Variants in MTAP observed in about 807,000 individuals in gnomAD.
The protein encoded by MTAP is S-methyl-5'-thioadenosine phosphorylase.
A neutral mutation model predicts 33.6 loss-of-function variants in MTAP; 33 were observed. The ratio of observed to expected loss-of-function variants is 0.98; its 90% CI spans 0.74 to 1.31. The LOEUF (loss-of-function observed/expected upper bound fraction) is 1.31. Among genes scored for constraint, MTAP ranks in the 40% most tolerant of loss-of-function variants. The pLI is 0.00. For synonymous variants in MTAP, 148 were observed against 125.7 expected (o/e 1.18, Z -1.19); for missense variants, 367 against 360.0 (o/e 1.02, Z -0.16).
intron 1 of MTAP, among the ~76,000 whole-genome samples, chr9:21,881,019 CTA>C (rs1415484544): frequency 3.3e-5 from 5 of 151,918 alleles, no homozygotes; most frequent in African/African-American, 1.2e-4. Flanking sequence ...TATTACAAAA[CTA>C]TAGTAATCAA....
chr9:21,882,205 AAACTT>A (rs577615432), intron 1 of MTAP, among the ~76,000 whole-genome samples: 156 of 152,082 alleles, frequency 1.0e-3, no homozygotes, highest in African/African-American at 3.4e-3. Context: ...AGTGGATTGA[AAACTT>A]AAACACAAGA....
At chr9:21,817,747 A>G (rs575897788) in intron 3 of MTAP, among the ~76,000 whole-genome samples, 9 of 152,136 alleles carry the variant, frequency 5.9e-5, no homozygotes, top group Admixed American at 3.9e-4. Flanking sequence ...CCATTTTTCT[A>G]TTGGCTGAAT....
In MTAP at chr9:21,864,011, G is replaced by A. The variant is rs942256462; in HGVS notation, c.*1997G>A. ...CCCAGGCTTCTCTAGCTCTGGTAACGTGTGATTGTTTTCACTACAATATGA... is the reference window on the plus strand; with the variant it reads ...CCCAGGCTTCTCTAGCTCTGGTAACATGTGATTGTTTTCACTACAATATGA... On this transcript the variant is annotated 3_prime_UTR_variant, in exon 8 of 8. Transcript: ENST00000644715. 1.2e-5 allele frequency: 12 copies of A among 985,506 alleles called. 1 individual carries two copies. Among genetic ancestry groups the A allele is most frequent in the East Asian group, 2.3e-4 (2 of 8,816 alleles). 61.0% of individuals were successfully genotyped at this position (985,506 alleles called of 1,614,324 possible). A position where few individuals can be genotyped will look rare whatever the true frequency, so the allele number is the denominator to read the frequency against.
chr9:21,917,231 G>C (rs1180431990), intron 1 of MTAP, among the ~76,000 whole-genome samples: 1 of 152,156 alleles, frequency 6.6e-6, no homozygotes, highest in African/African-American at 2.4e-5. Context: ...ATGTCAGGTA[G>C]GCAGTTGTAC....
intron 1 of MTAP, among the ~76,000 whole-genome samples, chr9:21,895,342 A>G (rs573873217): frequency 2.0e-5 from 3 of 152,326 alleles, no homozygotes; most frequent in East Asian, 1.9e-4. Flanking sequence ...ATACTGCTAT[A>G]AAGAACTGCC....
chr9:21,888,772 C>G (rs1818152985), intron 1 of MTAP, among the ~76,000 whole-genome samples: 1 of 151,886 alleles, frequency 6.6e-6, no homozygotes. Flanking sequence ...TCTAGACATT[C>G]AAATAGAAGT....
intron 4 of MTAP, among the ~76,000 whole-genome samples, chr9:21,837,276 C>T (rs1448161360): frequency 2.0e-5 from 3 of 152,038 alleles, no homozygotes; most frequent in East Asian, 1.9e-4. Context: ...TTCAGTGGGT[C>T]ACTGGCATGA....
intron 4 of MTAP, among the ~76,000 whole-genome samples, chr9:21,832,085 C>T (rs1216355305): frequency 6.6e-6 from 1 of 152,158 alleles, no homozygotes; most frequent in Non-Finnish European, 1.5e-5. Flanking sequence ...TGGTATCCTC[C>T]CCTCTTCAGA....
intron 1 of MTAP, among the ~76,000 whole-genome samples, chr9:21,807,806 G>A (rs563139693): frequency 6.6e-6 from 1 of 152,298 alleles, no homozygotes; most frequent in South Asian, 2.1e-4. Context: ...GAGTGGTAGG[G>A]TATACAGAAA....
intron 1 of MTAP, among the ~76,000 whole-genome samples, chr9:21,882,912 C>A (rs1373721103): frequency 1.3e-5 from 2 of 151,618 alleles, no homozygotes; most frequent in African/African-American, 4.8e-5. Flanking sequence ...TTCTGTCAAA[C>A]CATGAGATGC....
At chr9:21,808,885 G>A (rs1824275682) in intron 1 of MTAP, 1 of 152,248 alleles carries the variant, frequency 6.6e-6, no homozygotes, top group Non-Finnish European at 1.5e-5. Flanking sequence ...CACATACAGA[G>A]GGAAGACCAT....
intron 1 of MTAP, among the ~76,000 whole-genome samples, chr9:21,808,434 CAAAA>C (rs1824262230): frequency 6.9e-6 from 1 of 145,978 alleles, no homozygotes; most frequent in Admixed American, 6.9e-5. Context: ...AAAAAAAAAA[CAAAA>C]AAATTAGCCA....
At chr9:21,896,277 A>G (rs1818291722) in intron 1 of MTAP, among the ~76,000 whole-genome samples, 1 of 152,164 alleles carries the variant, frequency 6.6e-6, no homozygotes, top group Non-Finnish European at 1.5e-5. Flanking sequence ...TGCCCACAAG[A>G]GAAAGCAGGA....
chr9:21,913,076 T>C, intron 1 of MTAP, among the ~76,000 whole-genome samples: 1 of 152,206 alleles, frequency 6.6e-6, no homozygotes, highest in Non-Finnish European at 1.5e-5. Flanking sequence ...TTACAAGGGT[T>C]GTGAAGGACC....
downstream of MTAP, chr9:21,933,133 T>TAGA (rs1818989387): frequency 6.6e-6 from 1 of 152,222 alleles, no homozygotes; most frequent in African/African-American, 2.4e-5. Flanking sequence ...AGTGTAGGTA[T>TAGA]AGAACATGCT....
chr9:21,829,476 A>T (rs1824913642), intron 4 of MTAP, among the ~76,000 whole-genome samples: 1 of 150,506 alleles, frequency 6.6e-6, no homozygotes, highest in South Asian at 2.1e-4. Context: ...CCCAGGCTAG[A>T]CTGCAGTAAT....
At chr9:21,806,136 C>A (rs1166569780) in intron 1 of MTAP, among the ~76,000 whole-genome samples, 1 of 152,052 alleles carries the variant, frequency 6.6e-6, no homozygotes, top group Non-Finnish European at 1.5e-5. Context: ...AAAATGATTA[C>A]TCTGGCTGTT....
chr9:21,810,085 C>T (rs572417495), intron 1 of MTAP, among the ~76,000 whole-genome samples: 3 of 152,188 alleles, frequency 2.0e-5, no homozygotes, highest in African/African-American at 7.2e-5. Flanking sequence ...TGTATTAGTT[C>T]GCTAGGCCTG....
chr9:21,841,677 T>C (rs1204555979), intron 5 of MTAP, among the ~76,000 whole-genome samples: 1 of 152,200 alleles, frequency 6.6e-6, no homozygotes, highest in Non-Finnish European at 1.5e-5. Context: ...AGAAGAGCAA[T>C]AACAGTCACT....
Sources: allele counts gnomAD v4.1 joint callset (sites outside exome capture counted in the v4.1 genomes callset), GRCh38; gene constraint gnomAD v4.1.1; transcripts MANE v1.5; gene names NCBI Gene and HGNC (gene_info 2026-07-23, HGNC 2026-07-21).